MAP4K3: variants seen among roughly 807,000 people sequenced by gnomAD.
The protein encoded by MAP4K3 is mitogen-activated protein kinase kinase kinase kinase 3.
MAP4K3 carries 94 observed loss-of-function variants against 143.5 expected under a neutral mutation model. The ratio of observed to expected loss-of-function variants is 0.65; its 90% CI spans 0.55 to 0.78. The LOEUF (loss-of-function observed/expected upper bound fraction) is 0.78. Among genes scored for constraint, MAP4K3 ranks in the 30% least tolerant of loss-of-function variants. The probability of loss-of-function intolerance (pLI) is 0.00; values close to 1 mark genes in which losing one functional copy is unlikely to be tolerated. For missense variants in MAP4K3, 1,077 were observed against 1,068.1 expected, an observed-to-expected ratio of 1.01 and a Z score of -0.12; for synonymous variants, 416 against 347.2, an observed-to-expected ratio of 1.20 and a Z score of -2.20.
intron 1 of MAP4K3, among the ~76,000 whole-genome samples, chr2:39,381,818 G>A (rs576083647): frequency 2.6e-5 from 4 of 152,166 alleles, no homozygotes; most frequent in African/African-American, 4.8e-5. Flanking sequence ...AGCCATCCAC[G>A]CTTTGTTCCA....
intron 1 of MAP4K3, among the ~76,000 whole-genome samples, chr2:39,428,853 A>C (rs1665185302): frequency 1.3e-5 from 2 of 151,716 alleles, no homozygotes; most frequent in Admixed American, 1.3e-4. Flanking sequence ...GTGGATCACG[A>C]GGTCAAGAGT....
In MAP4K3 at chr2:39,268,078, CTTTG is replaced by C. The variant is rs1208936384; in HGVS notation, c.1974-835_1974-832del. ...TGTGAAGAATTTCTTTTTTAGAAAT[CTTTG>C]TTTCTCTACTCAGGAAAAGTGGGAT... is the stretch of plus-strand genomic sequence containing the variant. On this transcript the variant is annotated intron_variant, in intron 26 of 33. Coordinates refer to ENST00000263881, the MANE Select transcript of MAP4K3 (RefSeq NM_003618.4). Among the ~76,000 whole-genome samples the C allele has an allele frequency of 3.3e-5, 5 of 152,176 alleles. No homozygotes were observed. In the East Asian group the frequency reaches 9.7e-4, roughly 29 times the overall value.
At position 39,436,948 on chromosome 2, in the gene MAP4K3, C is replaced by A; in HGVS notation, c.40G>T (p.Glu14Ter). 6.2e-7 allele frequency: 1 copy of A among 1,612,806 alleles called. No homozygotes were observed. The highest frequency in any genetic ancestry group is 8.5e-7 in the Non-Finnish European group (1 of 1,179,448). Residue 14 changes from glutamate to a stop codon, truncating the protein, a stop_gained, in exon 1 of 34, where the codon GAG becomes TAG. Coordinates refer to ENST00000263881, the MANE Select transcript of MAP4K3 (RefSeq NM_003618.4). LOFTEE classifies it high-confidence loss of function. ...GFDLSRRNPQEDFELIQRIGS... is the reference protein window; with the variant it reads ...GFDLSRRNPQ The stretch of plus-strand genomic sequence containing the variant: ...ATGCGCTGAATCAGCTCGAAGTCCT[C>A]CTGCGGGTTCCGGCGGGACAAATCG...
intron 1 of MAP4K3, among the ~76,000 whole-genome samples, chr2:39,430,803 A>T (rs1452762420): frequency 6.6e-6 from 1 of 152,220 alleles, no homozygotes; most frequent in African/African-American, 2.4e-5. Context: ...AAGACCTAAT[A>T]ATAACCCATT....
At chr2:39,307,845 A>C in intron 15 of MAP4K3, 98 bp downstream of exon 15, 1 of 930,364 alleles carries the variant, frequency 1.1e-6, no homozygotes, top group Non-Finnish European at 1.5e-6. Context: ...ATAGCAACTT[A>C]TAAAACAATG....
intron 20 of MAP4K3, among the ~76,000 whole-genome samples, chr2:39,287,472 T>TC (rs201111294): frequency 6.8e-6 from 1 of 147,414 alleles, no homozygotes; most frequent in East Asian, 2.0e-4. Context: ...TAATTTTGTA[T>TC]TTTTTTTTTT....
chr2:39,411,283 G>A (rs549500177), intron 1 of MAP4K3, among the ~76,000 whole-genome samples: 10 of 152,222 alleles, frequency 6.6e-5, no homozygotes, highest in African/African-American at 2.2e-4. Flanking sequence ...CTTCTGACAC[G>A]AAGGCAGATG....
At chr2:39,334,099 C>T (rs967112623) in intron 6 of MAP4K3, among the ~76,000 whole-genome samples, 3 of 151,514 alleles carry the variant, frequency 2.0e-5, no homozygotes, top group Admixed American at 1.3e-4. Context: ...GTTGTCTATC[C>T]TAATGTGCCT....
chr2:39,361,941 T>G (rs931014688), intron 2 of MAP4K3, among the ~76,000 whole-genome samples: 1 of 152,018 alleles, frequency 6.6e-6, no homozygotes, highest in Non-Finnish European at 1.5e-5. Flanking sequence ...AACAAAGTAT[T>G]CTGTGAGATA....
intron 13 of MAP4K3, among the ~76,000 whole-genome samples, chr2:39,311,100 C>T (rs1014763779): frequency 2.0e-5 from 3 of 152,086 alleles, no homozygotes; most frequent in East Asian, 1.9e-4. Context: ...TTTTTTGAGA[C>T]GGAGTCTCTT....
intron 3 of MAP4K3, among the ~76,000 whole-genome samples, chr2:39,351,068 C>G (rs1450787114): frequency 6.6e-6 from 1 of 152,166 alleles, no homozygotes; most frequent in Non-Finnish European, 1.5e-5. Context: ...TAATTTTAAA[C>G]TGGAGGATGT....
At position 39,267,588 on chromosome 2, in the gene MAP4K3, G is replaced by A. The variant is rs192093012; in HGVS notation, c.1974-341C>T. On this transcript the variant is annotated intron_variant, in intron 26 of 33. Transcript: ENST00000263881. ...CTCAGGAGGCTGAGGCAGGAGAATCGCTTGAACCCAGGAGGTGGAGGATGT... is the reference window on the plus strand; with the variant it reads ...CTCAGGAGGCTGAGGCAGGAGAATCACTTGAACCCAGGAGGTGGAGGATGT... Among the ~76,000 whole-genome samples the A allele has an allele frequency of 4.0e-5, 6 of 151,124 alleles. No individual in the cohort carries two copies. In the East Asian group the frequency reaches 5.9e-4, roughly 15 times the overall value.
At chr2:39,292,222 T>G (rs1335049535) in intron 18 of MAP4K3, among the ~76,000 whole-genome samples, 2 of 152,220 alleles carry the variant, frequency 1.3e-5, no homozygotes, top group East Asian at 3.8e-4. Flanking sequence ...CTGATAAATC[T>G]ACAATAAAAA....
intron 12 of MAP4K3, among the ~76,000 whole-genome samples, chr2:39,318,491 CATAA>C (rs1197993112): frequency 2.0e-5 from 3 of 152,070 alleles, no homozygotes; most frequent in African/African-American, 7.2e-5. Flanking sequence ...AATTTCTAAA[CATAA>C]ATACTCTCAT....
chr2:39,290,434 G>C, intron 18 of MAP4K3, 100 bp from the exon 19 acceptor site: 1 of 707,104 alleles, frequency 1.4e-6, no homozygotes, highest in Non-Finnish European at 2.3e-6. Context: ...AAGCTGCAAA[G>C]ACAAATATCA....
chr2:39,376,560 T>C (rs1573216280), intron 2 of MAP4K3, among the ~76,000 whole-genome samples: 1 of 152,302 alleles, frequency 6.6e-6, no homozygotes, highest in African/African-American at 2.4e-5. Context: ...ACAGAATGAG[T>C]ACTATGTGCC....
chr2:39,360,303 G>C lies in MAP4K3; in HGVS notation c.155-3964C>G, dbSNP rs1309330423. 2.6e-5 allele frequency among the ~76,000 whole-genome samples: 4 copies of C among 152,194 alleles called. No homozygotes were observed. In the South Asian group the frequency reaches 6.2e-4, roughly 24 times the overall value. ...CTCATCTCCATCTGACAGCACCTCA[G>C]TCTGGACTTTATTGTCCATATCACT... On this transcript the variant is annotated intron_variant, in intron 2 of 33. Transcript: ENST00000263881.
chr2:39,362,991 C>T (rs910784502), intron 2 of MAP4K3, among the ~76,000 whole-genome samples: 6 of 152,178 alleles, frequency 3.9e-5, no homozygotes, highest in Non-Finnish European at 7.4e-5. Context: ...TGGATGGCAG[C>T]ATGCAAAAGA....
chr2:39,337,744 T>C (rs1210907381), intron 4 of MAP4K3, among the ~76,000 whole-genome samples, 163 bp from the exon 5 acceptor site: 1 of 142,058 alleles, frequency 7.0e-6, no homozygotes, highest in Non-Finnish European at 1.5e-5. Context: ...CTACTGTGCC[T>C]GGCTCCAGTT....
Sources: gnomAD v4.1 joint callset for allele counts (sites outside exome capture counted in the v4.1 genomes callset) on GRCh38, gnomAD v4.1.1 for gene constraint, MANE v1.5 for transcripts, NCBI Gene and HGNC (gene_info 2026-07-23, HGNC 2026-07-21) for gene names.